Variants in CACNA2D4 observed in about 807,000 individuals in gnomAD.
CACNA2D4 encodes the protein voltage-dependent calcium channel subunit alpha-2/delta-4.
Under a neutral mutation model 163.8 loss-of-function variants are expected in CACNA2D4, and 157 were observed. That is an observed-to-expected ratio of 0.96 (90% CI 0.84 to 1.09). CACNA2D4 has a LOEUF of 1.09. Ranked by LOEUF, CACNA2D4 falls within the 50% of genes least tolerant of loss-of-function variation. The pLI is 0.00. For synonymous variants in CACNA2D4, 598 were observed against 586.9 expected (o/e 1.02, Z -0.27); for missense variants, 1,410 against 1,479.9 (o/e 0.95, Z 0.78).
At chr12:1,831,283 C>T (rs527284344) in intron 26 of CACNA2D4, 107 of 1,613,558 alleles carry the variant, frequency 6.6e-5, no homozygotes, top group Non-Finnish European at 8.6e-5. Context: ...CTGCGGCACT[C>T]GCCGCTGCTC....
intron 20 of CACNA2D4, among the ~76,000 whole-genome samples, chr12:1,857,490 A>C (rs148880633): frequency 6.6e-6 from 1 of 152,298 alleles, no homozygotes; most frequent in African/African-American, 2.4e-5. Context: ...TCCACAAGAG[A>C]GGTGACAATG....
intron 16 of CACNA2D4, among the ~76,000 whole-genome samples, chr12:1,877,166 C>T (rs1865900823): frequency 6.6e-6 from 1 of 152,198 alleles, no homozygotes; most frequent in Non-Finnish European, 1.5e-5. Context: ...GCATTCTTCA[C>T]TGCATCGTGA....
At chr12:1,854,143 A>G in intron 22 of CACNA2D4, 99 bp from the exon 23 acceptor site, 3 of 846,440 alleles carry the variant, frequency 3.5e-6, no homozygotes, top group Non-Finnish European at 5.4e-6. Flanking sequence ...TGCTTCCTGA[A>G]CGTGTCTATG....
Position 1,885,959 on chromosome 12 carries a change from A to C in CACNA2D4, c.1068+6T>G. On this transcript the variant is annotated splice_donor_region_variant and intron_variant, in intron 9 of 37. Transcript: ENST00000382722. Reference sequence around the variant, plus strand: ...TTGGAAGTCTCAGGCCACCGTGGACACTCACCTCTCGATTGTCTCGGTCCG... The same window carrying C: ...TTGGAAGTCTCAGGCCACCGTGGACCCTCACCTCTCGATTGTCTCGGTCCG... 1 of 1,607,968 alleles carries C rather than the reference A, an allele frequency of 6.2e-7. No individual in the cohort carries two copies.
chr12:1,793,354 AGCTGAGCTCAC>A lies in CACNA2D4; in HGVS notation c.*290_*300del. 2.1e-6 allele frequency: 1 copy of A among 478,516 alleles called. No individual in the cohort carries two copies. Among genetic ancestry groups the A allele is most frequent in the Non-Finnish European group, 3.8e-6 (1 of 262,860 alleles). 29.6% of individuals were successfully genotyped at this position (478,516 alleles called of 1,614,324 possible). ...AACTAAATTATTTTGTCTTGGTCCA[AGCTGAGCTCAC>A]GCTGGCTTCCCGAAGAGGAGACAGG... On this transcript the variant is annotated 3_prime_UTR_variant, in exon 38 of 38. Transcript: ENST00000382722.
At chr12:1,818,404 CTT>C (rs1372730763) in intron 26 of CACNA2D4, among the ~76,000 whole-genome samples, 1 of 151,922 alleles carries the variant, frequency 6.6e-6, no homozygotes, top group East Asian at 1.9e-4. Flanking sequence ...ACATGGGAGA[CTT>C]TTCATTTTGT....
intron 26 of CACNA2D4, chr12:1,831,013 G>A (rs1864600651): frequency 1.2e-6 from 2 of 1,614,122 alleles, no homozygotes; most frequent in East Asian, 4.5e-5. Flanking sequence ...GACAGCCGCA[G>A]CCTGGAGGTG....
At chr12:1,908,128 G>T in intron 4 of CACNA2D4, 91 bp from the exon 5 acceptor site, 2 of 1,343,884 alleles carry the variant, frequency 1.5e-6, no homozygotes, top group Non-Finnish European at 1.0e-6. Flanking sequence ...GAGAGGACGA[G>T]AGGGCCGGGG....
At chr12:1,887,795 A>G (rs1423916925) in intron 6 of CACNA2D4, among the ~76,000 whole-genome samples, 1 of 152,212 alleles carries the variant, frequency 6.6e-6, no homozygotes. Flanking sequence ...GTTTAAAAGA[A>G]GAAGAGTAAA....
At position 1,811,720 on chromosome 12, in the gene CACNA2D4, G is replaced by A. The variant is rs765953623; in HGVS notation, c.2555C>T (p.Ala852Val). 5 of 1,558,692 alleles carry A rather than the reference G, an allele frequency of 3.2e-6. No individual in the cohort carries two copies. The South Asian group carries it at 4.7e-5, about 15-fold the overall frequency. ...GAATTCCAGCTTCATTTGGACGCCCGCGGCTACAGGGCAGAAAGAGAGAGG... is the reference window on the plus strand; with the variant it reads ...GAATTCCAGCTTCATTTGGACGCCCACGGCTACAGGGCAGAAAGAGAGAGG... The part of the protein sequence containing the change: ...VDKRTAIAAA[A>V]GVQMKLEFLQ... Residue 852 changes from alanine (A) to valine (V), a missense_variant, in exon 27 of 38, where the codon GCG becomes GTG. Coordinates refer to ENST00000382722, the MANE Select transcript of CACNA2D4 (RefSeq NM_172364.5).
rs959911079 is a variant in CACNA2D4 at position 1,806,155 on chromosome 12, T to C, written c.2721+4123A>G. On this transcript the variant is annotated intron_variant, in intron 29 of 37. Coordinates refer to ENST00000382722, the MANE Select transcript of CACNA2D4 (RefSeq NM_172364.5). The surrounding 1 kb of genome is among the most constrained non-coding windows in gnomAD (Gnocchi z 4.1). Reference sequence around the variant, plus strand: ...TTGAAGATCCACTTTGAAGCTTCCATGGGTGGGTGCCGCCCAGAAGCAAAT... The same window carrying C: ...TTGAAGATCCACTTTGAAGCTTCCACGGGTGGGTGCCGCCCAGAAGCAAAT... Among the ~76,000 whole-genome samples the C allele has an allele frequency of 6.6e-6, 1 of 152,180 alleles. No individual in the cohort carries two copies. Among genetic ancestry groups the C allele is most frequent in the East Asian group, 1.9e-4 (1 of 5,202 alleles).
At chr12:1,842,028 C>T (rs1228167619) in intron 25 of CACNA2D4, among the ~76,000 whole-genome samples, 1 of 152,186 alleles carries the variant, frequency 6.6e-6, no homozygotes, top group Non-Finnish European at 1.5e-5. Context: ...TCCCACAGCC[C>T]ATTTTCTGGG....
Position 1,856,015 on chromosome 12 carries a change from C to A in CACNA2D4, c.2149G>T (p.Glu717Ter), listed in dbSNP as rs1249922966. 6.2e-7 allele frequency: 1 copy of A among 1,613,392 alleles called. No homozygotes were observed. The change falls in exon 22 of 38, where the codon GAG becomes TAG. Residue 717 changes from glutamate to a stop codon, truncating the protein, a stop_gained. Transcript: ENST00000382722. LOFTEE classifies it high-confidence loss of function. ...TCAGTGGGCGGCCAGCACTCACACT[C>A]CAGGTCTGGGTCCTTCCTGGTGAGG... is the stretch of plus-strand genomic sequence containing the variant. The part of the protein sequence containing the change: ...RFLTRKDPDL[E>*]CDEELVREVL...
rs1245784755 is a variant in CACNA2D4 at position 1,856,207 on chromosome 12, T to C, written c.2031A>G (p.Pro677=). The C allele has an allele frequency of 6.2e-7, 1 of 1,613,940 alleles. No homozygotes were observed. Among genetic ancestry groups the C allele is most frequent in the Non-Finnish European group, 8.5e-7 (1 of 1,179,904 alleles). Residue 677 remains proline (P), a synonymous_variant, in exon 21 of 38, where the codon CCA becomes CCG. Transcript: ENST00000382722. ...ACCAGTCACCGGCCAGGGCCAGGTC[T>C]GGGTGAAGCAAGTCATGCAGGCCTG... The part of the protein sequence containing the change: ...VEEGLHDLLH[P]DLALAGDWIY...
chr12:1,811,595 A>AG (rs531965029), intron 27 of CACNA2D4, 67 bp downstream of exon 27: 1 of 1,470,334 alleles, frequency 6.8e-7, no homozygotes, highest in African/African-American at 1.4e-5. Context: ...GGGGAGGGAG[A>AG]GGGGGTCTCA....
intron 18 of CACNA2D4, among the ~76,000 whole-genome samples, chr12:1,865,796 C>G (rs186473651): frequency 6.6e-6 from 1 of 152,226 alleles, no homozygotes; most frequent in Non-Finnish European, 1.5e-5. Context: ...GGTGGCGTTC[C>G]TGGACCAAAA....
intron 18 of CACNA2D4, among the ~76,000 whole-genome samples, chr12:1,872,405 G>A (rs115773259): frequency 8.0e-4 from 122 of 152,298 alleles, no homozygotes; most frequent in African/African-American, 2.7e-3. Context: ...AAAACAACAC[G>A]GCAGGCGGTC....
At chr12:1,810,868 G>A (rs1009814401) in intron 27 of CACNA2D4, among the ~76,000 whole-genome samples, 13 of 152,328 alleles carry the variant, frequency 8.5e-5, no homozygotes, top group Middle Eastern at 3.4e-3. Context: ...TTGTGTGCGT[G>A]GTATGCATGT....
intron 26 of CACNA2D4, among the ~76,000 whole-genome samples, chr12:1,825,788 C>G (rs1208519764): frequency 1.3e-5 from 2 of 152,190 alleles, no homozygotes; most frequent in Non-Finnish European, 2.9e-5. Context: ...GGGTGACAGT[C>G]GCCAGGGAGT....
Sources: gnomAD v4.1 joint callset for allele counts (sites outside exome capture counted in the v4.1 genomes callset) on GRCh38, gnomAD v4.1.1 for gene constraint, Gnocchi (gnomAD v3.1) non-coding constraint, MANE v1.5 for transcripts, NCBI Gene and HGNC (gene_info 2026-07-23, HGNC 2026-07-21) for gene names.